Variants in CLEC11A observed in about 807,000 individuals in gnomAD.
CLEC11A encodes C-type lectin domain family 11 member A.
CLEC11A carries 35 observed loss-of-function variants against 33.9 expected under a neutral mutation model. That is an observed-to-expected ratio of 1.03 (90% confidence interval 0.79 to 1.37). The LOEUF (loss-of-function observed/expected upper bound fraction) is 1.37, where lower values mean the gene tolerates loss of function less well. Ranked by LOEUF, CLEC11A falls within the 40% of genes most tolerant of loss-of-function variation. The pLI is 0.00. For missense variants in CLEC11A, 519 were observed against 455.5 expected (o/e 1.14, Z -1.27); for synonymous variants, 220 against 202.2 (o/e 1.09, Z -0.75).
Position 50,724,315 on chromosome 19 carries a change from G to A in CLEC11A, c.335-95G>A, listed in dbSNP as rs1181084114. 15 of 425,082 alleles carry A rather than the reference G, an allele frequency of 3.5e-5. No homozygotes were observed. In the East Asian group the frequency reaches 5.4e-4, roughly 15 times the overall value. The allele number at this position is 425,082 out of a possible 1,614,324, so 26.3% of individuals were successfully genotyped here. A position where few individuals can be genotyped will look rare whatever the true frequency, so the allele number is the denominator to read the frequency against. On this transcript the variant is annotated intron_variant, in intron 2 of 3. Transcript: ENST00000250340. The surrounding 1 kb of genome is among the most constrained non-coding windows in gnomAD (Gnocchi z 4.1). ...GGGGTGCCCCCCCCACCGCCACCCC[G>A]CCCTCAGGAGCCCTAGATCCCAGTT...
At position 50,724,977 on chromosome 19, in the gene CLEC11A, T is replaced by C. The variant is rs531164070; in HGVS notation, c.527-45T>C. The C allele has an allele frequency of 3.4e-5, 48 of 1,422,920 alleles. No homozygotes were observed. Among genetic ancestry groups the C allele is most frequent in the Admixed American group, 6.3e-5 (2 of 31,964 alleles). The allele number at this position is 1,422,920 out of a possible 1,614,324, so 88.1% of individuals were successfully genotyped here. A position where few individuals can be genotyped will look rare whatever the true frequency, so the allele number is the denominator to read the frequency against. ...TTTGTCCTCGCCCCCTTCCAGACTC[T>C]GAATGCATGACCCCGCCTCCTTCTC... On this transcript the variant is annotated intron_variant, in intron 3 of 3. Coordinates refer to ENST00000250340, the MANE Select transcript of CLEC11A (RefSeq NM_002975.3). This position sits in a 1 kb window ranked among gnomAD's most constrained non-coding sequence, Gnocchi z 4.1.
In CLEC11A at chr19:50,724,512, T is replaced by TGCGGAACGCGGCAGGCGACACCC. The variant is rs1036834024; in HGVS notation, c.441_463dup (p.Asp155GlyfsTer32). On this transcript the variant is annotated frameshift_variant, in exon 3 of 4. Coordinates refer to ENST00000250340, the MANE Select transcript of CLEC11A (RefSeq NM_002975.3). LOFTEE classifies it high-confidence loss of function. This position sits in a 1 kb window ranked among gnomAD's most constrained non-coding sequence, Gnocchi z 4.1. ...GAGCTGACCCAGGGGCTGCGGCAGC[T>TGCGGAACGCGGCAGGCGACACCC]GCGGAACGCGGCAGGCGACACCCGC... 2 of 1,563,690 alleles carry TGCGGAACGCGGCAGGCGACACCC rather than the reference T, an allele frequency of 1.3e-6. No individual in the cohort carries two copies. The highest frequency in any genetic ancestry group is 2.7e-5 in the African/African-American group (2 of 72,956).
rs1003875613 is a variant in CLEC11A, at chr19:50,724,677, C to T, written c.526+76C>T. 8.3e-6 allele frequency: 11 copies of T among 1,331,268 alleles called. No individual in the cohort carries two copies. Among genetic ancestry groups the T allele is most frequent in the South Asian group, 6.9e-5 (4 of 57,800 alleles). The allele number at this position is 1,331,268 out of a possible 1,614,324, so 82.5% of individuals were successfully genotyped here. A position where few individuals can be genotyped will look rare whatever the true frequency, so the allele number is the denominator to read the frequency against. ...AATGGGACTGGTTGAGAAGGTGACCCTAGGTGTCCGGGGCGGGAGAGTTCG... is the reference window on the plus strand; with the variant it reads ...AATGGGACTGGTTGAGAAGGTGACCTTAGGTGTCCGGGGCGGGAGAGTTCG... On this transcript the variant is annotated intron_variant, in intron 3 of 3. Transcript: ENST00000250340. This position sits in a 1 kb window ranked among gnomAD's most constrained non-coding sequence, Gnocchi z 4.1.
In CLEC11A at chr19:50,725,361, A is replaced by G. The variant is rs2089179613; in HGVS notation, c.866A>G (p.Asn289Ser). 23 of 1,612,238 alleles carry G rather than the reference A, an allele frequency of 1.4e-5. No homozygotes were observed. Among genetic ancestry groups the G allele is most frequent in the Non-Finnish European group, 1.8e-5 (21 of 1,179,522 alleles). ...CATCCGCTCAGCCCGGACCAGCCCA[A>G]CGGTGGCACGCTCGAGAACTGCGTG... ...SPHPLSPDQPNGGTLENCVAQ... is the reference protein window; with the variant it reads ...SPHPLSPDQPSGGTLENCVAQ... The change falls in exon 4 of 4, where the codon AAC (asparagine) becomes AGC (serine). Residue 289 changes from asparagine to serine, a missense_variant. Coordinates refer to ENST00000250340, the MANE Select transcript of CLEC11A (RefSeq NM_002975.3).
In CLEC11A at chr19:50,724,912, C is replaced by T. The variant is rs2089172119; in HGVS notation, c.527-110C>T. 1.4e-6 allele frequency: 2 copies of T among 1,415,178 alleles called. No individual in the cohort carries two copies. The highest frequency in any genetic ancestry group is 2.7e-5 in the East Asian group (1 of 36,452). The allele number at this position is 1,415,178 out of a possible 1,614,324, so 87.7% of individuals were successfully genotyped here. A position where few individuals can be genotyped will look rare whatever the true frequency, so the allele number is the denominator to read the frequency against. On this transcript the variant is annotated intron_variant, in intron 3 of 3. Transcript: ENST00000250340. The surrounding 1 kb of genome is among the most constrained non-coding windows in gnomAD (Gnocchi z 4.1). ...TGACCACGCCTCCTCCCAGCCCTCC[C>T]CATGAGTTCCTGGCCCCGCCTCCCT...
rs2089170478 is a variant in CLEC11A at position 50,724,771 on chromosome 19, A to G, written c.526+170A>G. 6.6e-6 allele frequency among the ~76,000 whole-genome samples: 1 copy of G among 151,552 alleles called. No individual in the cohort carries two copies. Among genetic ancestry groups the G allele is most frequent in the Admixed American group, 6.6e-5 (1 of 15,236 alleles). On this transcript the variant is annotated intron_variant, in intron 3 of 3. Transcript: ENST00000250340. The surrounding 1 kb of genome is among the most constrained non-coding windows in gnomAD (Gnocchi z 4.1). ...GGCTGAATGCAGGGAGCGGGTGGGC[A>G]CTCCAGACCCGCGCGGACCCGACTG...
chr19:50,725,465 T>C lies in CLEC11A; in HGVS notation c.970T>C (p.Ter324GlnextTer63). ...CTACTACGTCTGCGAGTTCCCCTTC[T>C]AGCGGGGCCGGTACCCCGCCTCCCT... ...RLYYVCEFPF* is the reference protein window; with the variant it reads ...RLYYVCEFPFQ Residue 324 changes from the stop codon to glutamine, a stop_lost, in exon 4 of 4, where the codon TAG becomes CAG. Transcript: ENST00000250340. The C allele has an allele frequency of 6.3e-7, 1 of 1,591,606 alleles. No homozygotes were observed. The highest frequency in any genetic ancestry group is 8.6e-7 in the Non-Finnish European group (1 of 1,166,224).
In CLEC11A at chr19:50,725,247, A is replaced by G; in HGVS notation, c.752A>G (p.Tyr251Cys). ...CACGATCGGCGCGCCGAGGGCCTCT[A>G]CCTCTTCGAAAACGGCCAGCGCGTG... ...GVHDRRAEGL[Y>C]LFENGQRVSF... The change falls in exon 4 of 4, where the codon TAC becomes TGC. Residue 251 changes from tyrosine to cysteine, a missense_variant. Physicochemically the swap from Tyr to Cys is radical, Grantham distance 194. Coordinates refer to ENST00000250340, the MANE Select transcript of CLEC11A (RefSeq NM_002975.3). The G allele has an allele frequency of 1.9e-6, 3 of 1,609,104 alleles. No individual in the cohort carries two copies. Among genetic ancestry groups the G allele is most frequent in the African/African-American group, 1.3e-5 (1 of 74,900 alleles).
At position 50,725,485 on chromosome 19, in the gene CLEC11A, C is replaced by A; in HGVS notation, c.*18C>A. On this transcript the variant is annotated 3_prime_UTR_variant, in exon 4 of 4. Coordinates refer to ENST00000250340, the MANE Select transcript of CLEC11A (RefSeq NM_002975.3). ...CCTTCTAGCGGGGCCGGTACCCCGC[C>A]TCCCTGCCCATCCCACCACCCGGCC... is the stretch of plus-strand genomic sequence containing the variant. 6.4e-7 allele frequency: 1 copy of A among 1,564,500 alleles called. No homozygotes were observed. The highest frequency in any genetic ancestry group is 2.3e-5 in the East Asian group (1 of 43,316).
chr19:50,724,533 C>T lies in CLEC11A; in HGVS notation c.458C>T (p.Thr153Ile), dbSNP rs775049226. ...CAGCTGCGGAACGCGGCAGGCGACA[C>T]CCGCGATGCCGTGCAAGCCCTGCAG... Reference protein sequence around the residue: ...LRQLRNAAGDTRDAVQALQEA... With the variant: ...LRQLRNAAGDIRDAVQALQEA... Residue 153 changes from threonine to isoleucine, a missense_variant, in exon 3 of 4, where the codon ACC (threonine) becomes ATC (isoleucine). Physicochemically the swap from Thr to Ile is moderately conservative, Grantham distance 89. Transcript: ENST00000250340. The surrounding 1 kb of genome is among the most constrained non-coding windows in gnomAD (Gnocchi z 4.1). 9 of 1,538,422 alleles carry T rather than the reference C, an allele frequency of 5.9e-6. 1 individual carries two copies. Among genetic ancestry groups the T allele is most frequent in the South Asian group, 1.2e-5 (1 of 84,458 alleles).
At position 50,724,913 on chromosome 19, in the gene CLEC11A, C is replaced by T; in HGVS notation, c.527-109C>T. On this transcript the variant is annotated intron_variant, in intron 3 of 3. Transcript: ENST00000250340. The surrounding 1 kb of genome is among the most constrained non-coding windows in gnomAD (Gnocchi z 4.1). ...GACCACGCCTCCTCCCAGCCCTCCCCATGAGTTCCTGGCCCCGCCTCCCTC... is the reference window on the plus strand; with the variant it reads ...GACCACGCCTCCTCCCAGCCCTCCCTATGAGTTCCTGGCCCCGCCTCCCTC... 1.4e-6 allele frequency: 2 copies of T among 1,415,476 alleles called. No individual in the cohort carries two copies. The highest frequency in any genetic ancestry group is 3.0e-5 in the African/African-American group (2 of 66,244). The allele number at this position is 1,415,476 out of a possible 1,614,324, so 87.7% of individuals were successfully genotyped here.
chr19:50,724,377 T>C lies in CLEC11A; in HGVS notation c.335-33T>C. 2.1e-6 allele frequency: 3 copies of C among 1,438,004 alleles called. No individual in the cohort carries two copies. Among genetic ancestry groups the C allele is most frequent in the South Asian group, 1.5e-5 (1 of 65,624 alleles). The allele number at this position is 1,438,004 out of a possible 1,614,324, so 89.1% of individuals were successfully genotyped here. ...CAGGCCCCCCGCTGCATCTCCAGGCTCCCCCTCCAGCATGATCCCTGTCTG... is the reference window on the plus strand; with the variant it reads ...CAGGCCCCCCGCTGCATCTCCAGGCCCCCCCTCCAGCATGATCCCTGTCTG... On this transcript the variant is annotated intron_variant, in intron 2 of 3. Coordinates refer to ENST00000250340, the MANE Select transcript of CLEC11A (RefSeq NM_002975.3). The surrounding 1 kb of genome is among the most constrained non-coding windows in gnomAD (Gnocchi z 4.1).
Position 50,723,555 on chromosome 19 carries a change from G to C in CLEC11A, c.30G>C (p.Leu10Phe). 1 of 1,612,470 alleles carries C rather than the reference G, an allele frequency of 6.2e-7. No homozygotes were observed. The highest frequency in any genetic ancestry group is 8.5e-7 in the Non-Finnish European group (1 of 1,179,994). ...AGGCAGCCTGGCTTTTGGGGGCTTT[G>C]GTGGTCCCCCAGCTCTTGGGCTTTG... MQAAWLLGA[L>F]VVPQLLGFGH... The change falls in exon 1 of 4, where the codon TTG (leucine) becomes TTC (phenylalanine). Residue 10 changes from leucine (L) to phenylalanine (F), a missense_variant. Leu to Phe is a conservative substitution (Grantham distance 22, BLOSUM62 0). Transcript: ENST00000250340. The surrounding 1 kb of genome is among the most constrained non-coding windows in gnomAD (Gnocchi z 4.1).
At position 50,725,180 on chromosome 19, in the gene CLEC11A, G is replaced by C. The variant is rs758112465; in HGVS notation, c.685G>C (p.Ala229Pro). 2 of 1,580,336 alleles carry C rather than the reference G, an allele frequency of 1.3e-6. No individual in the cohort carries two copies. Among genetic ancestry groups the C allele is most frequent in the Admixed American group, 1.8e-5 (1 of 55,066 alleles). ...QMEALTRYLR[A>P]ALAPYNWPVW... ...GGAGGCGCTCACTCGGTACCTGCGC[G>C]CGGCGCTCGCTCCCTACAACTGGCC... The change falls in exon 4 of 4, where the codon GCG becomes CCG. Residue 229 changes from alanine (A) to proline (P), a missense_variant. Coordinates refer to ENST00000250340, the MANE Select transcript of CLEC11A (RefSeq NM_002975.3).
Position 50,723,450 on chromosome 19 carries a change from G to T in CLEC11A, c.-76G>T. ...ACCTGCACACAGGGCAGGGGCACTC[G>T]GCAGTTCCCAGAGGCCACCCCTCCC... On this transcript the variant is annotated 5_prime_UTR_variant, in exon 1 of 4. Coordinates refer to ENST00000250340, the MANE Select transcript of CLEC11A (RefSeq NM_002975.3). The surrounding 1 kb of genome is among the most constrained non-coding windows in gnomAD (Gnocchi z 4.1). 2 of 1,534,912 alleles carry T rather than the reference G, an allele frequency of 1.3e-6. No homozygotes were observed. The highest frequency in any genetic ancestry group is 1.8e-6 in the Non-Finnish European group (2 of 1,113,726).
rs748601670 is a variant in CLEC11A at position 50,723,372 on chromosome 19, G to T, written c.-154G>T. On this transcript the variant is annotated 5_prime_UTR_variant, in exon 1 of 4. It adds an upstream start codon to the 5' untranslated region. Coordinates refer to ENST00000250340, the MANE Select transcript of CLEC11A (RefSeq NM_002975.3). This position sits in a 1 kb window ranked among gnomAD's most constrained non-coding sequence, Gnocchi z 4.1. ...AGACCAACGGACCGGACAGAGACGA[G>T]GAGAGGAACAGGAAGAGAGAAGCTG... 18 of 744,710 alleles carry T rather than the reference G, an allele frequency of 2.4e-5. 1 individual carries two copies. The Middle Eastern group carries it at 1.6e-3, about 65-fold the overall frequency. 46.1% of individuals were successfully genotyped at this position (744,710 alleles called of 1,614,324 possible).
At position 50,725,231 on chromosome 19, in the gene CLEC11A, C is replaced by T; in HGVS notation, c.736C>T (p.Arg246Cys). ...WPVWLGVHDR[R>C]AEGLYLFENG... The stretch of plus-strand genomic sequence containing the variant: ...CGTGTGGCTGGGCGTGCACGATCGG[C>T]GCGCCGAGGGCCTCTACCTCTTCGA... Residue 246 changes from arginine (R) to cysteine (C), a missense_variant, in exon 4 of 4, where the codon CGC becomes TGC. Transcript: ENST00000250340. The T allele has an allele frequency of 1.2e-6, 2 of 1,600,896 alleles. No individual in the cohort carries two copies. Among genetic ancestry groups the T allele is most frequent in the East Asian group, 2.3e-5 (1 of 44,084 alleles).
chr19:50,724,587 A>C lies in CLEC11A; in HGVS notation c.512A>C (p.His171Pro), dbSNP rs1568449886. Residue 171 changes from histidine to proline, a missense_variant, in exon 3 of 4, where the codon CAC becomes CCC. Physicochemically the swap from His to Pro is moderately conservative, Grantham distance 77. Transcript: ENST00000250340. The surrounding 1 kb of genome is among the most constrained non-coding windows in gnomAD (Gnocchi z 4.1). ...GCGCAGGGTCGCGCCGAGCGCGAGCACGGCCGCTTGGAGGGTGAGTCCGCG... is the reference window on the plus strand; with the variant it reads ...GCGCAGGGTCGCGCCGAGCGCGAGCCCGGCCGCTTGGAGGGTGAGTCCGCG... ...QEAQGRAEREHGRLEGCLKGL... is the reference protein window; with the variant it reads ...QEAQGRAEREPGRLEGCLKGL... The C allele has an allele frequency of 1.4e-6, 2 of 1,423,512 alleles. No individual in the cohort carries two copies. The highest frequency in any genetic ancestry group is 1.8e-6 in the Non-Finnish European group (2 of 1,093,264). 88.2% of individuals were successfully genotyped at this position (1,423,512 alleles called of 1,614,324 possible).
Position 50,724,842 on chromosome 19 carries a change from C to T in CLEC11A, c.527-180C>T, listed in dbSNP as rs1599880915. 1.4e-6 allele frequency: 2 copies of T among 1,388,800 alleles called. No individual in the cohort carries two copies. The highest frequency in any genetic ancestry group is 5.6e-5 in the East Asian group (2 of 35,832). The allele number at this position is 1,388,800 out of a possible 1,614,324, so 86.0% of individuals were successfully genotyped here. ...CAGTCCAGCTCCCACCGCCTGGCCC[C>T]GCCCCTGGCGGACCAGACTCTCCAC... is the stretch of plus-strand genomic sequence containing the variant. On this transcript the variant is annotated intron_variant, in intron 3 of 3. Transcript: ENST00000250340. This position sits in a 1 kb window ranked among gnomAD's most constrained non-coding sequence, Gnocchi z 4.1.
Sources: gnomAD v4.1 joint callset for allele counts (sites outside exome capture counted in the v4.1 genomes callset) on GRCh38, gnomAD v4.1.1 for gene constraint, Gnocchi (gnomAD v3.1) non-coding constraint, MANE v1.5 for transcripts, NCBI Gene and HGNC (gene_info 2026-07-23, HGNC 2026-07-21) for gene names.